The following PC variants were observed in gnomAD, a reference collection of about 807,000 sequenced individuals.
The protein encoded by PC is pyruvate carboxylase, also known as pyruvate carboxylase, mitochondrial.
A neutral mutation model predicts 107.8 loss-of-function variants in PC; 46 were observed. The ratio of observed to expected loss-of-function variants is 0.43; its 90% CI spans 0.34 to 0.55. The LOEUF is 0.55. PC is among the 20% of genes least tolerant of loss of function. PC has a pLI of 0.04. For synonymous variants in PC, 662 were observed against 684.7 expected, an observed-to-expected ratio of 0.97 and a Z score of 0.52; for missense variants, 1,241 against 1,643.1, an observed-to-expected ratio of 0.76 and a Z score of 4.23.
chr11:66,923,644 G>A (rs1948645913), intron 3 of PC, among the ~76,000 whole-genome samples: 1 of 151,850 alleles, frequency 6.6e-6, no homozygotes, highest in Admixed American at 6.6e-5. Context: ...CACCCAAGTA[G>A]CTGGGATTAC....
intron 3 of PC, among the ~76,000 whole-genome samples, chr11:66,886,952 C>T (rs1416061502): frequency 2.0e-5 from 3 of 152,196 alleles, no homozygotes; most frequent in Admixed American, 2.0e-4. Context: ...TGCCTTTGAC[C>T]ACTGTGCCAC....
intron 3 of PC, among the ~76,000 whole-genome samples, chr11:66,885,013 C>T (rs1345805445): frequency 1.3e-5 from 2 of 152,222 alleles, no homozygotes; most frequent in African/African-American, 2.4e-5. Context: ...CAATTCCCCT[C>T]GTTCCAAGAT....
In PC at chr11:66,863,810, G is replaced by A; in HGVS notation, c.1332C>T (p.Ser444=). Residue 444 remains serine, a synonymous_variant, in exon 12 of 23, where the codon AGC becomes AGT. Transcript: ENST00000393960. ...KDHPTAATKM[S]RALAEFRVRG... ...GGACGCGGAACTCCGCAAGGGCCCT[G>A]CTCATCTTGGTGGCGGCCGTGGGGT... 1 of 1,613,502 alleles carries A rather than the reference G, an allele frequency of 6.2e-7. No individual in the cohort carries two copies. The highest frequency in any genetic ancestry group is 8.5e-7 in the Non-Finnish European group (1 of 1,179,986).
In PC at chr11:66,924,369, C is replaced by CAAAAAAAAAAAAA. The variant is rs71045970; in HGVS notation, c.-1+28048_-1+28060dup. ...TAACATAGCAAGACCCCATCTCTAC[C>CAAAAAAAAAAAAA]AAAAAAAAAAAAAAAAAAAATTAGC... On this transcript the variant is annotated intron_variant, in intron 3 of 22. Coordinates refer to ENST00000393960, the MANE Select transcript of PC (RefSeq NM_001040716.2). Among the ~76,000 whole-genome samples the CAAAAAAAAAAAAA allele has an allele frequency of 9.0e-3, 591 of 65,508 alleles. 26 individuals are homozygous for CAAAAAAAAAAAAA. The highest frequency in any genetic ancestry group is 0.018 in the East Asian group (40 of 2,242). The allele number at this position is 65,508 out of a possible 152,430, so 43.0% of individuals were successfully genotyped here.
intron 3 of PC, among the ~76,000 whole-genome samples, chr11:66,895,727 G>A (rs1947735447): frequency 6.6e-6 from 1 of 152,106 alleles, no homozygotes; most frequent in Non-Finnish European, 1.5e-5. Flanking sequence ...AAAAATTAGA[G>A]GGTCAGTCCA....
intron 3 of PC, among the ~76,000 whole-genome samples, chr11:66,938,892 C>T (rs1316133555): frequency 2.0e-5 from 3 of 152,130 alleles, no homozygotes; most frequent in Admixed American, 6.6e-5. Flanking sequence ...CTGCTATCAC[C>T]TCATATGTTT....
chr11:66,942,402 A>C (rs913097442), intron 3 of PC, among the ~76,000 whole-genome samples: 2 of 151,134 alleles, frequency 1.3e-5, no homozygotes, highest in East Asian at 3.9e-4. Context: ...TCCATCTCAA[A>C]AAAAAAAAAA....
Position 66,850,323 on chromosome 11 carries a change from G to C in PC, c.2615C>G (p.Thr872Ser). The change falls in exon 19 of 23, where the codon ACC becomes AGC. Residue 872 changes from threonine (T) to serine (S), a missense_variant. Thr to Ser is a moderately conservative substitution (Grantham distance 58). Around this residue, in one of 2 missense-constraint regions of PC, gnomAD observed 1,143 missense variants for 1,551.9 expected, o/e 0.74. Transcript: ENST00000393960. ...GCTGTGGGCCTGGAAGTGCAGGTTG[G>C]TGTACTGGCCCCCTGGGATCTCATT... ...YENEIPGGQY[T>S]NLHFQAHSMG... 1 of 1,614,140 alleles carries C rather than the reference G, an allele frequency of 6.2e-7. No individual in the cohort carries two copies. Among genetic ancestry groups the C allele is most frequent in the Non-Finnish European group, 8.5e-7 (1 of 1,180,036 alleles).
At chr11:66,911,455 A>G (rs1341068802) in intron 3 of PC, among the ~76,000 whole-genome samples, 1 of 151,896 alleles carries the variant, frequency 6.6e-6, no homozygotes, top group Non-Finnish European at 1.5e-5. Context: ...ACCCAGGTGC[A>G]ATGGCAGATG....
At chr11:66,849,515 C>T in intron 21 of PC, 96 bp downstream of exon 21, 10 of 1,609,732 alleles carry the variant, frequency 6.2e-6, no homozygotes, top group South Asian at 1.1e-5. Context: ...CTTTCTGCTC[C>T]CAAAGCTTGC....
chr11:66,872,064 C>A lies in PC; in HGVS notation c.96G>T (p.Leu32=). ...TGACTTTCTTGATGGGCTTATACTC[C>A]AGGCGCCGGACATTTGGGGAGGCAG... is the stretch of plus-strand genomic sequence containing the variant. The part of the protein sequence containing the change: ...APAASPNVRR[L]EYKPIKKVMV... The change falls in exon 4 of 23, where the codon CTG becomes CTT. Residue 32 remains leucine, a synonymous_variant. Transcript: ENST00000393960. 6.4e-7 allele frequency: 1 copy of A among 1,564,396 alleles called. No individual in the cohort carries two copies. The highest frequency in any genetic ancestry group is 2.4e-5 in the East Asian group (1 of 41,942).
At chr11:66,904,587 G>A (rs1372064090) in intron 3 of PC, among the ~76,000 whole-genome samples, 2 of 152,232 alleles carry the variant, frequency 1.3e-5, no homozygotes, top group African/African-American at 2.4e-5. Context: ...GCAGTGAGCT[G>A]TGATTGTGCC....
chr11:66,957,813 G>C (rs1369217567), intron 1 of PC: 1 of 152,272 alleles, frequency 6.6e-6, no homozygotes, highest in Non-Finnish European at 1.5e-5. Context: ...ACAAAGTAGA[G>C]GATCCTACGG....
chr11:66,938,867 G>A (rs1949059104), intron 3 of PC, among the ~76,000 whole-genome samples: 2 of 152,116 alleles, frequency 1.3e-5, no homozygotes. Context: ...GTACGTTTTG[G>A]TGATTTCCCA....
intron 11 of PC, among the ~76,000 whole-genome samples, chr11:66,864,241 G>GGCCCGGGCAGGCAGGGGCCA (rs1425696606): frequency 5.9e-5 from 9 of 152,250 alleles, no homozygotes; most frequent in Non-Finnish European, 1.3e-4. Context: ...GCGGGAGAGG[G>GGCCCGGGCAGGCAGGGGCCA]GCCCGGGCAG....
chr11:66,860,460 T>C, intron 12 of PC: 1 of 703,678 alleles, frequency 1.4e-6, no homozygotes, highest in East Asian at 2.7e-5. Context: ...ATAATAAAAT[T>C]GTTGGGGACA....
At chr11:66,891,787 T>C (rs559237276) in intron 3 of PC, among the ~76,000 whole-genome samples, 3 of 152,368 alleles carry the variant, frequency 2.0e-5, no homozygotes, top group Admixed American at 1.3e-4. Flanking sequence ...AGAATGTCTA[T>C]CTCCCCACAT....
intron 3 of PC, among the ~76,000 whole-genome samples, chr11:66,885,182 C>T (rs1947316250): frequency 6.6e-6 from 1 of 152,228 alleles, no homozygotes; most frequent in South Asian, 2.1e-4. Flanking sequence ...CCCCTAGCAC[C>T]TAGGTCAGAA....
At chr11:66,861,381 C>T (rs941550465) in intron 12 of PC, among the ~76,000 whole-genome samples, 2 of 152,242 alleles carry the variant, frequency 1.3e-5, no homozygotes, top group East Asian at 1.9e-4. Flanking sequence ...ACGGCAAACA[C>T]GCTGCACAGA....
Sources: gnomAD v4.1 joint callset for allele counts (sites outside exome capture counted in the v4.1 genomes callset) on GRCh38, gnomAD v4.1.1 for gene constraint, gnomAD v4.1.1 regional missense constraint, MANE v1.5 for transcripts, NCBI Gene and HGNC (gene_info 2026-07-23, HGNC 2026-07-21) for gene names.